B3GALT1: variants seen among roughly 807,000 people sequenced by gnomAD.
The protein encoded by B3GALT1 is beta-1,3-galactosyltransferase 1.
A neutral mutation model predicts 23.2 loss-of-function variants in B3GALT1; 10 were observed. The observed-to-expected ratio is 0.43, with a 90% CI of 0.27 to 0.73. The LOEUF is 0.73. Among genes scored for constraint, B3GALT1 ranks in the 30% least tolerant of loss-of-function variants. The pLI is 0.21. For missense variants in B3GALT1, 299 were observed against 405.4 expected, an observed-to-expected ratio of 0.74 and a Z score of 2.25; for synonymous variants, 156 against 141.5, an observed-to-expected ratio of 1.10 and a Z score of -0.73.
intron 3 of B3GALT1, among the ~76,000 whole-genome samples, chr2:167,710,128 G>A (rs1051835425): frequency 5.3e-5 from 8 of 152,200 alleles, no homozygotes; most frequent in African/African-American, 1.7e-4. Context: ...CAGGTGCAAA[G>A]GGTAGACTTA....
chr2:167,444,008 T>C (rs933876491), intron 1 of B3GALT1, among the ~76,000 whole-genome samples: 3 of 152,002 alleles, frequency 2.0e-5, no homozygotes, highest in Non-Finnish European at 4.4e-5. Context: ...GTGGGTTTGT[T>C]TTAGATAGCT....
At chr2:167,370,570 C>T (rs552768824) in intron 1 of B3GALT1, among the ~76,000 whole-genome samples, 3 of 152,112 alleles carry the variant, frequency 2.0e-5, no homozygotes, top group Admixed American at 6.5e-5. Context: ...TAAAGGATAG[C>T]TACTTCTGAT....
intron 1 of B3GALT1, among the ~76,000 whole-genome samples, chr2:167,439,345 A>G (rs1698840519): frequency 6.6e-6 from 1 of 152,034 alleles, no homozygotes; most frequent in African/African-American, 2.4e-5. Context: ...TCACATCAAT[A>G]TTGTCAACTG....
At chr2:167,688,389 C>T (rs1053715391) in intron 3 of B3GALT1, among the ~76,000 whole-genome samples, 4 of 151,870 alleles carry the variant, frequency 2.6e-5, no homozygotes, top group East Asian at 3.9e-4. Flanking sequence ...CAAGCAATTA[C>T]GAACACACTT....
At chr2:167,419,448 T>C (rs552212309) in intron 1 of B3GALT1, among the ~76,000 whole-genome samples, 1 of 152,314 alleles carries the variant, frequency 6.6e-6, no homozygotes, top group South Asian at 2.1e-4. Flanking sequence ...CTAGGCACTA[T>C]GAAAAATACA....
chr2:167,397,487 C>A (rs1698117285), intron 1 of B3GALT1, among the ~76,000 whole-genome samples: 1 of 152,060 alleles, frequency 6.6e-6, no homozygotes, highest in Non-Finnish European at 1.5e-5. Context: ...ATATAGAAAA[C>A]CTCTTGGCAC....
chr2:167,455,012 GT>G (rs1699147264), intron 1 of B3GALT1, among the ~76,000 whole-genome samples: 1 of 152,164 alleles, frequency 6.6e-6, no homozygotes, highest in Non-Finnish European at 1.5e-5. Flanking sequence ...TGAAGAACAT[GT>G]TTAAAATGCC....
intron 3 of B3GALT1, among the ~76,000 whole-genome samples, chr2:167,703,621 C>G (rs1468722124): frequency 6.6e-6 from 1 of 152,188 alleles, no homozygotes. Context: ...ATGGAGACCA[C>G]AGAGCTTTTG....
intron 3 of B3GALT1, among the ~76,000 whole-genome samples, chr2:167,734,351 AGTTT>A (rs781156073): frequency 1.3e-5 from 2 of 152,172 alleles, no homozygotes; most frequent in African/African-American, 4.8e-5. Context: ...CCAGTTTACA[AGTTT>A]GTTTGTTTGT....
intron 4 of B3GALT1, among the ~76,000 whole-genome samples, chr2:167,834,881 C>T (rs1249466202): frequency 2.6e-5 from 4 of 152,104 alleles, no homozygotes; most frequent in African/African-American, 9.7e-5. Context: ...TAGTTACACT[C>T]ATAAATATGT....
At chr2:167,569,893 A>C (rs1485733224) in intron 2 of B3GALT1, among the ~76,000 whole-genome samples, 1 of 151,770 alleles carries the variant, frequency 6.6e-6, no homozygotes, top group Admixed American at 6.6e-5. Context: ...ATGTCAAATG[A>C]TTATATTGAT....
chr2:167,563,861 G>A (rs1206357937), intron 2 of B3GALT1, among the ~76,000 whole-genome samples: 1 of 146,668 alleles, frequency 6.8e-6, no homozygotes, highest in Non-Finnish European at 1.5e-5. Flanking sequence ...CGGCCGGGCA[G>A]AGGCGCCCCT....
chr2:167,809,260 G>A (rs1450891436), intron 3 of B3GALT1, among the ~76,000 whole-genome samples: 10 of 151,938 alleles, frequency 6.6e-5, no homozygotes, highest in South Asian at 2.1e-4. Context: ...TAGTTTGATC[G>A]TCTGAAGCCT....
chr2:167,837,114 A>G (rs1473640730), intron 4 of B3GALT1, among the ~76,000 whole-genome samples: 1 of 152,236 alleles, frequency 6.6e-6, no homozygotes, highest in East Asian at 1.9e-4. Context: ...AAGAAACTGC[A>G]TCAACTAAGG....
intron 2 of B3GALT1, among the ~76,000 whole-genome samples, chr2:167,575,518 G>T (rs1655406548): frequency 6.6e-6 from 1 of 151,758 alleles, no homozygotes; most frequent in Non-Finnish European, 1.5e-5. Context: ...CTCCTTGCCA[G>T]GGTGAAACTG....
chr2:167,766,247 G>C (rs1687974548), intron 3 of B3GALT1, among the ~76,000 whole-genome samples: 1 of 152,172 alleles, frequency 6.6e-6, no homozygotes, highest in South Asian at 2.1e-4. Context: ...GAAAAATTCA[G>C]TGATCTGAAT....
At chr2:167,483,270 G>A (rs1699584981) in intron 1 of B3GALT1, among the ~76,000 whole-genome samples, 2 of 152,082 alleles carry the variant, frequency 1.3e-5, no homozygotes, top group South Asian at 4.1e-4. Context: ...TCCAGCCTGG[G>A]CAACGAGAGC....
intron 1 of B3GALT1, among the ~76,000 whole-genome samples, chr2:167,405,696 T>C (rs1453715901): frequency 3.9e-5 from 6 of 152,198 alleles, no homozygotes; most frequent in Non-Finnish European, 8.8e-5. Context: ...CCTTCCCTTT[T>C]CATGTGAAAT....
At chr2:167,722,677 G>A (rs1204175788) in intron 3 of B3GALT1, among the ~76,000 whole-genome samples, 1 of 152,148 alleles carries the variant, frequency 6.6e-6, no homozygotes, top group East Asian at 1.9e-4. Flanking sequence ...CTTTGAATTA[G>A]CGTGGTCTTT....
Sources: allele counts gnomAD v4.1 joint callset (sites outside exome capture counted in the v4.1 genomes callset), GRCh38; gene constraint gnomAD v4.1.1; transcripts MANE v1.5; gene names NCBI Gene and HGNC (gene_info 2026-07-23, HGNC 2026-07-21).